Variants in SLC38A6 observed in about 807,000 individuals in gnomAD.
The protein encoded by SLC38A6 is N system amino acid transporter NAT-1.
In SLC38A6, 73 loss-of-function variants were observed where a neutral mutation model predicts 65.0. The ratio of observed to expected loss-of-function variants is 1.12; its 90% confidence interval spans 0.93 to 1.37. SLC38A6 has a LOEUF of 1.37. Ranked by LOEUF, SLC38A6 falls within the 40% of genes most tolerant of loss-of-function variation. SLC38A6 has a pLI of 0.00. For synonymous variants in SLC38A6, 183 were observed against 178.8 expected (o/e 1.02, Z -0.19); for missense variants, 561 against 531.1 (o/e 1.06, Z -0.55).
At position 61,052,501 on chromosome 14, in the gene SLC38A6, C is replaced by T; in HGVS notation, c.*72C>T. On this transcript the variant is annotated 3_prime_UTR_variant, in exon 16 of 16. Coordinates refer to ENST00000267488, the MANE Select transcript of SLC38A6 (RefSeq NM_153811.3). Reference sequence around the variant, plus strand: ...CAAGAATGAATTATTCCGGAAGACACCCTGGATGAAAAATAACATTTTAAT... The same window carrying T: ...CAAGAATGAATTATTCCGGAAGACATCCTGGATGAAAAATAACATTTTAAT... The T allele has an allele frequency of 1.4e-6, 2 of 1,480,304 alleles. No individual in the cohort carries two copies. Among genetic ancestry groups the T allele is most frequent in the South Asian group, 1.4e-5 (1 of 69,292 alleles). 91.7% of individuals were successfully genotyped at this position (1,480,304 alleles called of 1,614,324 possible).
chr14:61,070,961 C>T (rs554991095), intron 15 of SLC38A6, among the ~76,000 whole-genome samples: 6 of 152,148 alleles, frequency 3.9e-5, no homozygotes, highest in Admixed American at 2.0e-4. Context: ...ATCAGATATG[C>T]GGTTTGCAAA....
Position 61,036,466 on chromosome 14 carries a change from G to A in SLC38A6, c.483-593G>A, listed in dbSNP as rs573648463. The stretch of plus-strand genomic sequence containing the variant: ...TGGTGGGTGGGGGCAAGGGGAGGGG[G>A]AGCATTAGGACAAATACCTAATGCA... On this transcript the variant is annotated intron_variant, in intron 6 of 15. Transcript: ENST00000267488. Among the ~76,000 whole-genome samples, 521 of 151,788 alleles carry A rather than the reference G, an allele frequency of 3.4e-3. 3 individuals are homozygous for A. Among genetic ancestry groups the A allele is most frequent in the African/African-American group, 0.011 (456 of 41,382 alleles).
At chr14:61,080,903 G>A (rs992129416) in intron 16 of SLC38A6, among the ~76,000 whole-genome samples, 5 of 152,210 alleles carry the variant, frequency 3.3e-5, no homozygotes, top group African/African-American at 9.7e-5. Flanking sequence ...TGTCACACAC[G>A]CATTGTCAGC....
At position 61,043,165 on chromosome 14, in the gene SLC38A6, T is replaced by C. The variant is rs1238830439; in HGVS notation, c.643T>C (p.Ser215Pro). ...TTTTTAGGTAATAATTAAAAAATGG[T>C]CCATCCCTTGTCCTCTGACATTAAA... is the stretch of plus-strand genomic sequence containing the variant. Reference protein sequence around the residue: ...FALVVIIKKWSIPCPLTLNYV... With the variant: ...FALVVIIKKWPIPCPLTLNYV... Residue 215 changes from serine to proline, a missense_variant, in exon 9 of 16, where the codon TCC becomes CCC. Coordinates refer to ENST00000267488, the MANE Select transcript of SLC38A6 (RefSeq NM_153811.3). 1 of 1,539,212 alleles carries C rather than the reference T, an allele frequency of 6.5e-7. No homozygotes were observed. The highest frequency in any genetic ancestry group is 8.9e-7 in the Non-Finnish European group (1 of 1,127,112).
chr14:61,061,233 A>T (rs1253052206), intron 15 of SLC38A6, among the ~76,000 whole-genome samples: 1 of 152,170 alleles, frequency 6.6e-6, no homozygotes, highest in Non-Finnish European at 1.5e-5. Flanking sequence ...TATGTGATGA[A>T]TCACATTTAT....
intron 12 of SLC38A6, among the ~76,000 whole-genome samples, chr14:61,049,385 C>G (rs2042367895): frequency 6.6e-6 from 1 of 152,178 alleles, no homozygotes; most frequent in African/African-American, 2.4e-5. Context: ...TCTAGAGAAT[C>G]TCTTCCCCCA....
rs1343207035 is a variant in SLC38A6, at chr14:61,051,890, C to A, written c.1154C>A (p.Ala385Glu). Residue 385 changes from alanine (A) to glutamate (E), a missense_variant, in exon 14 of 16, where the codon GCA becomes GAA. Transcript: ENST00000267488. Reference sequence around the variant, plus strand: ...CTCAATATTATCATCGTTTTACTTGCAATATATGTTCCTGACATTAGAAAT... The same window carrying A: ...CTCAATATTATCATCGTTTTACTTGAAATATATGTTCCTGACATTAGAAAT... ...LALNIIIVLL[A>E]IYVPDIRNVF... 2 of 1,611,808 alleles carry A rather than the reference C, an allele frequency of 1.2e-6. No homozygotes were observed. The highest frequency in any genetic ancestry group is 8.5e-7 in the Non-Finnish European group (1 of 1,179,154).
chr14:61,046,653 TG>T (rs2042167661), intron 12 of SLC38A6, among the ~76,000 whole-genome samples: 1 of 152,220 alleles, frequency 6.6e-6, no homozygotes, highest in Non-Finnish European at 1.5e-5. Context: ...ATTCAGCAGA[TG>T]TGCATTCTAT....
At chr14:61,011,930 A>G (rs556946118) in intron 3 of SLC38A6, among the ~76,000 whole-genome samples, 19 of 152,084 alleles carry the variant, frequency 1.2e-4, no homozygotes, top group African/African-American at 2.4e-4. Flanking sequence ...CTCTTTTTCT[A>G]TTGATTGGAA....
chr14:61,067,392 G>A (rs930703034), intron 15 of SLC38A6, among the ~76,000 whole-genome samples: 11 of 152,038 alleles, frequency 7.2e-5, no homozygotes, highest in African/African-American at 1.2e-4. Flanking sequence ...CTCTTCTGCC[G>A]TCTCTGCTTC....
At chr14:61,020,033 G>A (rs1186287232) in intron 5 of SLC38A6, among the ~76,000 whole-genome samples, 2 of 152,062 alleles carry the variant, frequency 1.3e-5, no homozygotes, top group African/African-American at 4.8e-5. Context: ...TGACCAAGTG[G>A]TTTAAAACAT....
At chr14:61,046,613 A>G (rs2042163650) in intron 12 of SLC38A6, among the ~76,000 whole-genome samples, 1 of 152,200 alleles carries the variant, frequency 6.6e-6, no homozygotes, top group Non-Finnish European at 1.5e-5. Flanking sequence ...GATGTCAGAC[A>G]TCTCTGCCTT....
chr14:60,984,654 T>C, intron 2 of SLC38A6, 76 bp from the exon 3 acceptor site: 1 of 1,190,426 alleles, frequency 8.4e-7, no homozygotes, highest in Non-Finnish European at 1.3e-6. Context: ...TGTTAAGCAA[T>C]TTGTTTTTGT....
intron 3 of SLC38A6, among the ~76,000 whole-genome samples, chr14:60,994,119 C>A (rs1445302614): frequency 6.6e-6 from 1 of 152,180 alleles, no homozygotes; most frequent in Non-Finnish European, 1.5e-5. Context: ...CATATTTCTA[C>A]ACAAAAACCT....
intron 8 of SLC38A6, among the ~76,000 whole-genome samples, chr14:61,041,959 G>GT (rs144531121): frequency 0.035 from 5,258 of 150,624 alleles, 210 homozygotes; most frequent in East Asian, 0.16. Flanking sequence ...CATCCTCATC[G>GT]TTTTTTTTTG....
chr14:61,034,788 A>G (rs1420134104), intron 6 of SLC38A6, among the ~76,000 whole-genome samples: 1 of 152,218 alleles, frequency 6.6e-6, no homozygotes, highest in Non-Finnish European at 1.5e-5. Flanking sequence ...CTTCAGGTCC[A>G]CTAAAGCTGT....
At chr14:61,020,951 T>C (rs1359180613) in intron 5 of SLC38A6, among the ~76,000 whole-genome samples, 1 of 152,166 alleles carries the variant, frequency 6.6e-6, no homozygotes, top group East Asian at 1.9e-4. Flanking sequence ...AGATCCAAAT[T>C]TGTGACCCTG....
intron 12 of SLC38A6, 51 bp from the exon 13 acceptor site, chr14:61,050,461 C>A (rs1428976213): frequency 2.4e-6 from 3 of 1,236,944 alleles, no homozygotes; most frequent in Admixed American, 2.7e-5. Flanking sequence ...AATTTTGTTA[C>A]TATTGATACC....
intron 6 of SLC38A6, among the ~76,000 whole-genome samples, chr14:61,033,028 T>C (rs1277402093): frequency 6.6e-6 from 1 of 151,968 alleles, no homozygotes; most frequent in Non-Finnish European, 1.5e-5. Context: ...ATACTGAACT[T>C]TCATGATATA....
Sources: gnomAD v4.1 joint callset for allele counts (sites outside exome capture counted in the v4.1 genomes callset) on GRCh38, gnomAD v4.1.1 for gene constraint, MANE v1.5 for transcripts, NCBI Gene and HGNC (gene_info 2026-07-23, HGNC 2026-07-21) for gene names.